PTPRN2: variants seen among roughly 807,000 people sequenced by gnomAD.
PTPRN2 encodes the protein protein tyrosine phosphatase receptor type N2, also known as receptor-type tyrosine-protein phosphatase N2.
In PTPRN2, 74 loss-of-function variants were observed where a neutral mutation model predicts 118.8. The ratio of observed to expected loss-of-function variants is 0.62; its 90% CI spans 0.52 to 0.76. The LOEUF (loss-of-function observed/expected upper bound fraction) is 0.76. PTPRN2 is among the 30% of genes least tolerant of loss of function. The pLI is 0.00. For synonymous variants in PTPRN2, 641 were observed against 608.0 expected (o/e 1.05, Z -0.80); for missense variants, 1,481 against 1,394.4 (o/e 1.06, Z -0.99).
At chr7:158,071,075 G>GAGGTGCTCGTCGTA (rs1811400067) in intron 11 of PTPRN2, among the ~76,000 whole-genome samples, 1 of 93,950 alleles carries the variant, frequency 1.1e-5, no homozygotes, top group African/African-American at 5.1e-5. Flanking sequence ...GCTCGTGGTG[G>GAGGTGCTCGTCGTA]TGGAGGTGCC....
intron 12 of PTPRN2, among the ~76,000 whole-genome samples, chr7:157,713,051 G>T (rs1016375033): frequency 3.3e-5 from 5 of 152,238 alleles, no homozygotes; most frequent in South Asian, 2.1e-4. Flanking sequence ...ACGTGGCTGT[G>T]GGCGGGATTG....
intron 12 of PTPRN2, among the ~76,000 whole-genome samples, chr7:157,714,755 A>G (rs377570207): frequency 4.6e-5 from 7 of 151,966 alleles, no homozygotes; most frequent in Non-Finnish European, 7.4e-5. Context: ...CCAGCTCCCC[A>G]GGGAACGGCG....
chr7:158,193,732 A>G (rs1825966593), intron 4 of PTPRN2, among the ~76,000 whole-genome samples: 1 of 152,010 alleles, frequency 6.6e-6, no homozygotes, highest in South Asian at 2.1e-4. Flanking sequence ...AGCCGCCCAG[A>G]GCTTCACAGC....
chr7:158,229,457 T>A (rs1263427892), intron 3 of PTPRN2, among the ~76,000 whole-genome samples: 1 of 151,870 alleles, frequency 6.6e-6, no homozygotes, highest in Admixed American at 6.6e-5. Context: ...GGACCAAGAA[T>A]TCAAAATAGC....
At chr7:157,993,084 C>T (rs939932285) in intron 11 of PTPRN2, among the ~76,000 whole-genome samples, 12 of 152,176 alleles carry the variant, frequency 7.9e-5, no homozygotes, top group East Asian at 1.9e-4. Flanking sequence ...GGAGGATCAT[C>T]GCAGGTGGGT....
intron 4 of PTPRN2, among the ~76,000 whole-genome samples, chr7:158,194,114 C>A (rs192843680): frequency 1.3e-5 from 2 of 150,310 alleles, no homozygotes; most frequent in South Asian, 4.2e-4. Flanking sequence ...TGTGTGCACG[C>A]GCGCGCATGT....
At chr7:157,936,696 T>C (rs1427122384) in intron 11 of PTPRN2, among the ~76,000 whole-genome samples, 1 of 151,080 alleles carries the variant, frequency 6.6e-6, no homozygotes, top group East Asian at 2.0e-4. Flanking sequence ...GGGTCTACAG[T>C]GCAGGTCTGA....
At position 157,801,375 on chromosome 7, in the gene PTPRN2, C is replaced by T. The variant is rs1314372255; in HGVS notation, c.1788+97298G>A. Among the ~76,000 whole-genome samples the T allele has an allele frequency of 1.3e-5, 2 of 152,178 alleles. No homozygotes were observed. Among genetic ancestry groups the T allele is most frequent in the Admixed American group, 6.5e-5 (1 of 15,282 alleles). On this transcript the variant is annotated intron_variant, in intron 12 of 22. Transcript: ENST00000389418. The surrounding 1 kb of genome is among the most constrained non-coding windows in gnomAD (Gnocchi z 4.2). ...CTTTGCCGTCTCCAGAAAGAGCTGT[C>T]GAGGTTTATTTATTCACGGAGAGGC...
intron 10 of PTPRN2, among the ~76,000 whole-genome samples, chr7:158,091,851 T>C (rs1814174196): frequency 9.6e-6 from 1 of 104,546 alleles, no homozygotes; most frequent in Admixed American, 1.2e-4. Flanking sequence ...GGATAGGTGA[T>C]GGATGGGTAG....
intron 11 of PTPRN2, among the ~76,000 whole-genome samples, chr7:157,967,842 G>A (rs1014967057): frequency 6.6e-6 from 1 of 152,210 alleles, no homozygotes; most frequent in East Asian, 1.9e-4. Context: ...CAGGGAGAAG[G>A]GGTCTGGGCA....
chr7:158,585,740 G>T (rs1828870267), intron 1 of PTPRN2, among the ~76,000 whole-genome samples: 1 of 152,130 alleles, frequency 6.6e-6, no homozygotes, highest in Admixed American at 6.5e-5. Context: ...CATTGCAATG[G>T]CAAGGAAAGC....
intron 2 of PTPRN2, among the ~76,000 whole-genome samples, chr7:158,332,468 T>G (rs1804681105): frequency 6.8e-6 from 1 of 146,932 alleles, no homozygotes; most frequent in Non-Finnish European, 1.5e-5. Flanking sequence ...CCATAAGAGG[T>G]GACATCTACA....
intron 4 of PTPRN2, among the ~76,000 whole-genome samples, chr7:158,198,393 T>A (rs1487806409): frequency 6.6e-6 from 1 of 152,250 alleles, no homozygotes; most frequent in Non-Finnish European, 1.5e-5. Context: ...TGTTTTACAC[T>A]TAGTAGCTAT....
intron 15 of PTPRN2, among the ~76,000 whole-genome samples, chr7:157,607,725 T>C (rs558861122): frequency 2.0e-5 from 3 of 152,316 alleles, no homozygotes; most frequent in South Asian, 2.1e-4. Context: ...GCCACTGCCA[T>C]TGGACTCAGC....
In PTPRN2 at chr7:157,987,597, T is replaced by C. The variant is rs1803902924; in HGVS notation, c.1724-88860A>G. Among the ~76,000 whole-genome samples the C allele has an allele frequency of 6.6e-6, 1 of 152,168 alleles. No homozygotes were observed. The highest frequency in any genetic ancestry group is 1.5e-5 in the Non-Finnish European group (1 of 68,032). ...ACTGCTGAGTTTTATGTCTGGATGC[T>C]GAATAGCTGGAGGAAGCGGCCTGCT... On this transcript the variant is annotated intron_variant, in intron 11 of 22. Coordinates refer to ENST00000389418, the MANE Select transcript of PTPRN2 (RefSeq NM_002847.5). The surrounding 1 kb of genome is among the most constrained non-coding windows in gnomAD (Gnocchi z 4.3).
At chr7:157,762,300 T>C (rs1190637242) in intron 12 of PTPRN2, among the ~76,000 whole-genome samples, 2 of 152,088 alleles carry the variant, frequency 1.3e-5, no homozygotes, top group African/African-American at 4.8e-5. Flanking sequence ...CACACGTATG[T>C]TTATTGCAGC....
At chr7:157,967,510 T>C (rs1397322845) in intron 11 of PTPRN2, among the ~76,000 whole-genome samples, 4 of 152,112 alleles carry the variant, frequency 2.6e-5, no homozygotes, top group Non-Finnish European at 4.4e-5. Flanking sequence ...TGCCATGAGT[T>C]TCTTCTGTTT....
intron 12 of PTPRN2, among the ~76,000 whole-genome samples, chr7:157,719,591 A>G (rs1162556663): frequency 6.6e-6 from 1 of 152,234 alleles, no homozygotes; most frequent in Non-Finnish European, 1.5e-5. Context: ...GAAGGCAGAA[A>G]GAATAACAGC....
At chr7:157,804,333 G>T (rs1805497276) in intron 12 of PTPRN2, among the ~76,000 whole-genome samples, 1 of 152,214 alleles carries the variant, frequency 6.6e-6, no homozygotes. Flanking sequence ...TGTGAGGACT[G>T]CCTTCCCTTC....
Sources: gnomAD v4.1 joint callset for allele counts (sites outside exome capture counted in the v4.1 genomes callset) on GRCh38, gnomAD v4.1.1 for gene constraint, Gnocchi (gnomAD v3.1) non-coding constraint, MANE v1.5 for transcripts, NCBI Gene and HGNC (gene_info 2026-07-23, HGNC 2026-07-21) for gene names.